PADI6: variants seen among roughly 807,000 people sequenced by gnomAD.
The protein encoded by PADI6 is peptidyl arginine deiminase 6.
Under a neutral mutation model 78.2 loss-of-function variants are expected in PADI6, and 66 were observed. That is an observed-to-expected ratio of 0.84 (90% CI 0.69 to 1.04). The LOEUF (loss-of-function observed/expected upper bound fraction) is 1.04. Among genes scored for constraint, PADI6 ranks in the 50% least tolerant of loss-of-function variants. The pLI is 0.00. For synonymous variants in PADI6, 397 were observed against 346.9 expected, an observed-to-expected ratio of 1.14 and a Z score of -1.60; for missense variants, 854 against 866.1, an observed-to-expected ratio of 0.99 and a Z score of 0.18.
chr1:17,390,958 T>C (rs532877829), intron 8 of PADI6, among the ~76,000 whole-genome samples: 12 of 152,312 alleles, frequency 7.9e-5, no homozygotes, highest in African/African-American at 2.6e-4. Context: ...CTTCCCCCAG[T>C]AAGCGTCAGA....
intron 8 of PADI6, 25 bp from the exon 9 acceptor site, chr1:17,392,089 A>G: frequency 6.5e-7 from 1 of 1,548,262 alleles, no homozygotes; most frequent in Non-Finnish European, 8.7e-7. Flanking sequence ...AAGCCTTCCC[A>G]GAACTGGCTT....
Position 17,388,464 on chromosome 1 carries a change from G to A in PADI6, c.763G>A (p.Glu255Lys). The A allele has an allele frequency of 6.2e-7, 1 of 1,613,772 alleles. No homozygotes were observed. The highest frequency in any genetic ancestry group is 8.5e-7 in the Non-Finnish European group (1 of 1,179,774). ...GGCCCTCCTCGGGAACCACTTGAAG[G>A]AGACTTTCTACGTTGAAGCTATAGC... ...TLALLGNHLK[E>K]TFYVEAIAFP... Residue 255 changes from glutamate to lysine, a missense_variant, in exon 7 of 16, where the codon GAG becomes AAG. Transcript: ENST00000619609.
At chr1:17,372,881 G>A (rs2074975620) in intron 1 of PADI6, among the ~76,000 whole-genome samples, 175 bp from the exon 2 acceptor site, 1 of 144,970 alleles carries the variant, frequency 6.9e-6, no homozygotes, top group Non-Finnish European at 1.5e-5. Context: ...CCGTCGGAGA[G>A]CAAACACAGG....
In PADI6 at chr1:17,382,018, T is replaced by C. The variant is rs1300942412; in HGVS notation, c.605T>C (p.Ile202Thr). ...MTLNVQGPSC[I>T]LKKYRLVLHT... is the part of the protein sequence containing the mutation. The stretch of plus-strand genomic sequence containing the variant: ...CTGAATGTCCAAGGCCCCAGCTGTA[T>C]CTTAAAGAAATATCGGCTAGTCCTC... The change falls in exon 6 of 16, where the codon ATC (isoleucine) becomes ACC (threonine). Residue 202 changes from isoleucine to threonine, a missense_variant. Coordinates refer to ENST00000619609, the MANE Select transcript of PADI6 (RefSeq NM_207421.4). The C allele has an allele frequency of 6.2e-7, 1 of 1,613,918 alleles. No homozygotes were observed. Among genetic ancestry groups the C allele is most frequent in the Non-Finnish European group, 8.5e-7 (1 of 1,179,830 alleles).
chr1:17,398,649 C>CGGGGGGGGGGGGGGGGGGGGGGGGGGG, intron 14 of PADI6, 37 bp from the exon 15 acceptor site: 1 of 91,312 alleles, frequency 1.1e-5, no homozygotes, highest in Non-Finnish European at 2.0e-5. Context: ...TCTCCTTGCT[C>CGGGGGGGGGGGGGGGGGGGGGGGGGGG]CCCCGCCCCC....
Position 17,382,070 on chromosome 1 carries a change from G to A in PADI6, c.657G>A (p.Lys219=). 3.1e-6 allele frequency: 5 copies of A among 1,613,986 alleles called. No homozygotes were observed. The highest frequency in any genetic ancestry group is 4.2e-6 in the Non-Finnish European group (5 of 1,179,872). Residue 219 remains lysine (K), a synonymous_variant, in exon 6 of 16, where the codon AAG becomes AAA. Transcript: ENST00000619609. ...VLHTSKEESK[K]ARVYWPQKDN... is the part of the protein sequence containing the mutation. ...ATACCTCCAAGGAAGAGTCGAAGAA[G>A]GCGAGAGTCTACTGGCCCCAAAGTG... is the stretch of plus-strand genomic sequence containing the variant.
In PADI6 at chr1:17,388,808, CGGT is replaced by C; in HGVS notation, c.895_897del (p.Val299del). 6.2e-7 allele frequency: 1 copy of C among 1,613,786 alleles called. No homozygotes were observed. Among genetic ancestry groups the C allele is most frequent in the Non-Finnish European group, 8.5e-7 (1 of 1,179,808 alleles). On this transcript the variant is annotated inframe_deletion, in exon 8 of 16. Transcript: ENST00000619609. The stretch of plus-strand genomic sequence containing the variant: ...CCAGAGACTGTGCTGTACAAAGACA[CGGT>C]GGTGTTCCGGGTGGCTCCCTGTGTC...
At chr1:17,375,688 G>A (rs558208114) in intron 3 of PADI6, among the ~76,000 whole-genome samples, 189 bp downstream of exon 3, 118 of 152,242 alleles carry the variant, frequency 7.8e-4, no homozygotes, top group African/African-American at 2.8e-3. Flanking sequence ...CCTCCTCGAC[G>A]CTCAGTCACT....
Position 17,395,207 on chromosome 1 carries a change from T to G in PADI6, c.1494+100T>G, listed in dbSNP as rs879542041. ...AAAACTGGCTTTTTCTTGTTTTTTT[T>G]TTTTTTTGTTTGTTTTTTGAGAGTC... On this transcript the variant is annotated intron_variant, in intron 12 of 15. Transcript: ENST00000619609. 878 of 1,404,740 alleles carry G rather than the reference T, an allele frequency of 6.3e-4. 4 individuals are homozygous for G. In the African/African-American group the frequency reaches 7.1e-3, roughly 11 times the overall value. The allele number at this position is 1,404,740 out of a possible 1,614,324, so 87.0% of individuals were successfully genotyped here. A position where few individuals can be genotyped will look rare whatever the true frequency, so the allele number is the denominator to read the frequency against.
At chr1:17,374,361 C>T (rs544706048) in intron 2 of PADI6, among the ~76,000 whole-genome samples, 37 of 151,996 alleles carry the variant, frequency 2.4e-4, no homozygotes, top group African/African-American at 7.2e-4. Context: ...TGTGGTGGCT[C>T]ATGCCTGTAA....
chr1:17,375,588 T>A, intron 3 of PADI6, 89 bp downstream of exon 3: 1 of 1,214,860 alleles, frequency 8.2e-7, no homozygotes, highest in Non-Finnish European at 1.2e-6. Context: ...CAAAAAAGAT[T>A]CTCCAGGTAA....
chr1:17,398,545 C>G (rs984432782), intron 14 of PADI6, 141 bp from the exon 15 acceptor site: 1 of 588,066 alleles, frequency 1.7e-6, no homozygotes, highest in African/African-American at 1.9e-5. Context: ...AAGTGTGAGG[C>G]TCCTGGCACA....
chr1:17,395,262 G>A (rs1025156592), intron 12 of PADI6, among the ~76,000 whole-genome samples, 155 bp downstream of exon 12: 3 of 150,772 alleles, frequency 2.0e-5, no homozygotes, highest in African/African-American at 7.3e-5. Flanking sequence ...GGAGTGCAGT[G>A]GCGTGATCTC....
In PADI6 at chr1:17,394,959, G is replaced by C; in HGVS notation, c.1346G>C (p.Gly449Ala). Reference protein sequence around the residue: ...IGSSFYPSAEGRAMSKTLRDF... With the variant: ...IGSSFYPSAEARAMSKTLRDF... ...TTCCATCTTCCTTCTAGCGCAGAGG[G>C]CCGGGCCATGAGTAAGACCCTCCGA... Residue 449 changes from glycine to alanine, a missense_variant, in exon 12 of 16, where the codon GGC (glycine) becomes GCC (alanine). Coordinates refer to ENST00000619609, the MANE Select transcript of PADI6 (RefSeq NM_207421.4). 3 of 1,611,382 alleles carry C rather than the reference G, an allele frequency of 1.9e-6. No individual in the cohort carries two copies. The highest frequency in any genetic ancestry group is 2.5e-6 in the Non-Finnish European group (3 of 1,179,322).
chr1:17,372,602 C>A (rs2074973028), intron 1 of PADI6, among the ~76,000 whole-genome samples: 1 of 152,172 alleles, frequency 6.6e-6, no homozygotes, highest in Non-Finnish European at 1.5e-5. Flanking sequence ...GGGCCTTGGC[C>A]TCTCTGTTCC....
intron 13 of PADI6, among the ~76,000 whole-genome samples, chr1:17,396,480 G>A (rs571554007): frequency 1.1e-4 from 17 of 152,242 alleles, no homozygotes; most frequent in African/African-American, 3.1e-4. Context: ...GAGGGCCAGC[G>A]CACCTGGGAG....
chr1:17,400,412 C>T (rs1237029946), intron 15 of PADI6, among the ~76,000 whole-genome samples: 2 of 152,120 alleles, frequency 1.3e-5, no homozygotes, highest in African/African-American at 4.8e-5. Context: ...GAGGCTGAGG[C>T]AGGAGAATCG....
At chr1:17,386,005 G>A (rs1377938843) in intron 6 of PADI6, among the ~76,000 whole-genome samples, 1 of 152,106 alleles carries the variant, frequency 6.6e-6, no homozygotes, top group African/African-American at 2.4e-5. Context: ...TGGACAGACA[G>A]TCGAGGACCC....
chr1:17,396,888 G>C (rs974550092), intron 13 of PADI6, among the ~76,000 whole-genome samples, 183 bp from the exon 14 acceptor site: 2 of 152,186 alleles, frequency 1.3e-5, no homozygotes, highest in Non-Finnish European at 2.9e-5. Flanking sequence ...GTAGACCCTG[G>C]TCAGTCCCCA....
Sources: allele counts gnomAD v4.1 joint callset (sites outside exome capture counted in the v4.1 genomes callset), GRCh38; gene constraint gnomAD v4.1.1; transcripts MANE v1.5; gene names NCBI Gene and HGNC (gene_info 2026-07-23, HGNC 2026-07-21).